Variants in NELL1 observed in about 807,000 individuals in gnomAD.
NELL1 encodes the protein protein kinase C-binding protein NELL1.
NELL1 carries 76 observed loss-of-function variants against 107.4 expected under a neutral mutation model. The ratio of observed to expected loss-of-function variants is 0.71; its 90% confidence interval spans 0.59 to 0.86. The LOEUF is 0.86. Ranked by LOEUF, NELL1 falls within the 40% of genes least tolerant of loss-of-function variation. The pLI is 0.00. For synonymous variants in NELL1, 353 were observed against 341.2 expected, an observed-to-expected ratio of 1.03 and a Z score of -0.38; for missense variants, 1,024 against 1,005.5, an observed-to-expected ratio of 1.02 and a Z score of -0.25.
intron 14 of NELL1, among the ~76,000 whole-genome samples, chr11:21,238,041 AG>A (rs1858254745): frequency 1.3e-5 from 2 of 152,048 alleles, no homozygotes; most frequent in South Asian, 4.1e-4. Flanking sequence ...GATCCCTTAC[AG>A]GTATCTCAAA....
intron 2 of NELL1, among the ~76,000 whole-genome samples, chr11:20,722,527 C>T (rs180737465): frequency 1.1e-4 from 16 of 152,292 alleles, no homozygotes; most frequent in South Asian, 2.1e-4. Context: ...AAAACATTTA[C>T]GCCAATGCTT....
chr11:21,279,961 C>T (rs976479328), intron 14 of NELL1, among the ~76,000 whole-genome samples: 1 of 152,170 alleles, frequency 6.6e-6, no homozygotes, highest in Non-Finnish European at 1.5e-5. Context: ...AGAAGCCGAT[C>T]TGCAAATGTC....
rs572041198 is a variant in NELL1 at position 21,322,219 on chromosome 11, A to G, written c.1550-48634A>G. Among the ~76,000 whole-genome samples the G allele has an allele frequency of 1.1e-4, 17 of 152,304 alleles. 1 individual carries two copies. The South Asian group carries it at 3.3e-3, about 30-fold the overall frequency. Reference sequence around the variant, plus strand: ...ATAGTGTAATGCAGAGCACTAGACTATGAGTTAAAAGACCCTGCTTCATGT... The same window carrying G: ...ATAGTGTAATGCAGAGCACTAGACTGTGAGTTAAAAGACCCTGCTTCATGT... On this transcript the variant is annotated intron_variant, in intron 14 of 19. Transcript: ENST00000357134.
intron 12 of NELL1, among the ~76,000 whole-genome samples, chr11:21,112,196 C>T (rs1855123224): frequency 6.6e-6 from 1 of 152,002 alleles, no homozygotes; most frequent in South Asian, 2.1e-4. Flanking sequence ...GTCTTGCTAA[C>T]TGTGGGTCTC....
intron 15 of NELL1, among the ~76,000 whole-genome samples, chr11:21,393,438 G>A (rs553476964): frequency 1.3e-5 from 2 of 151,748 alleles, no homozygotes; most frequent in South Asian, 2.1e-4. Context: ...TGCAAACAAC[G>A]CTGAATAGAA....
chr11:20,787,432 T>C (rs17298537), intron 3 of NELL1, among the ~76,000 whole-genome samples: 11,165 of 152,292 alleles, frequency 0.073, 465 homozygotes, highest in Middle Eastern at 0.16. Context: ...TTCATAATTT[T>C]CAGGTTACTT....
chr11:20,838,940 A>G (rs934625695), intron 3 of NELL1, among the ~76,000 whole-genome samples: 7 of 152,190 alleles, frequency 4.6e-5, no homozygotes, highest in Admixed American at 6.5e-5. Flanking sequence ...CAGTTGTGCA[A>G]TTCCAAGCTT....
At chr11:20,993,554 T>G (rs1852023620) in intron 12 of NELL1, among the ~76,000 whole-genome samples, 2 of 152,112 alleles carry the variant, frequency 1.3e-5, no homozygotes, top group African/African-American at 4.8e-5. Context: ...TGTGGGGGAT[T>G]GGTTTCAGGA....
intron 12 of NELL1, among the ~76,000 whole-genome samples, chr11:21,027,528 T>C (rs73460615): frequency 0.025 from 3,726 of 151,722 alleles, 166 homozygotes; most frequent in African/African-American, 0.085. Flanking sequence ...AATCTTCACA[T>C]TAGGCCATAG....
intron 14 of NELL1, among the ~76,000 whole-genome samples, chr11:21,263,481 C>A (rs1426685314): frequency 5.3e-5 from 8 of 152,022 alleles, no homozygotes; most frequent in African/African-American, 1.9e-4. Context: ...CATCTTTCAG[C>A]ATTCTGATTG....
intron 12 of NELL1, among the ~76,000 whole-genome samples, chr11:21,061,876 T>G (rs2134363834): frequency 6.6e-6 from 1 of 152,290 alleles, no homozygotes; most frequent in Non-Finnish European, 1.5e-5. Context: ...GTAAATCTCT[T>G]TAGGAATGGT....
chr11:20,938,940 C>CTCTCTCTCTCTCTG (rs1216133538), intron 10 of NELL1, among the ~76,000 whole-genome samples: 14 of 57,292 alleles, frequency 2.4e-4, no homozygotes, highest in African/African-American at 5.2e-4. Flanking sequence ...CTCTCTCTCT[C>CTCTCTCTCTCTCTG]TGTGTGTGTG....
chr11:21,275,927 A>C (rs2133940771), intron 14 of NELL1, among the ~76,000 whole-genome samples: 1 of 152,320 alleles, frequency 6.6e-6, no homozygotes, highest in East Asian at 1.9e-4. Flanking sequence ...ATCTATGACA[A>C]ATCCACAGCC....
intron 2 of NELL1, among the ~76,000 whole-genome samples, chr11:20,743,276 C>T (rs905506964): frequency 6.6e-6 from 1 of 151,862 alleles, no homozygotes; most frequent in African/African-American, 2.4e-5. Flanking sequence ...ATCCTTGAAC[C>T]CGGGGGGTGG....
chr11:21,481,434 T>A (rs1854489111), intron 15 of NELL1, among the ~76,000 whole-genome samples: 1 of 152,256 alleles, frequency 6.6e-6, no homozygotes, highest in South Asian at 2.1e-4. Flanking sequence ...CATGACTTAA[T>A]AATGGTCTTC....
intron 3 of NELL1, among the ~76,000 whole-genome samples, chr11:20,790,829 A>C (rs1590297512): frequency 6.6e-6 from 1 of 152,188 alleles, no homozygotes; most frequent in African/African-American, 2.4e-5. Context: ...CAAGGCTCCC[A>C]GTGGCTCCAC....
chr11:21,198,519 G>C (rs1857201265), intron 13 of NELL1, among the ~76,000 whole-genome samples: 1 of 152,154 alleles, frequency 6.6e-6, no homozygotes, highest in African/African-American at 2.4e-5. Flanking sequence ...TGAACATCAC[G>C]AGCTCAATCA....
At chr11:21,135,396 C>A (rs1855723316) in intron 13 of NELL1, among the ~76,000 whole-genome samples, 2 of 152,182 alleles carry the variant, frequency 1.3e-5, no homozygotes, top group South Asian at 2.1e-4. Context: ...GTACAGATAC[C>A]CAGAAAACTG....
At chr11:20,875,195 A>G (rs1564945236) in intron 4 of NELL1, among the ~76,000 whole-genome samples, 1 of 152,058 alleles carries the variant, frequency 6.6e-6, no homozygotes, top group Non-Finnish European at 1.5e-5. Flanking sequence ...AATTTTTTTA[A>G]TATGTATTTC....
Sources: allele counts gnomAD v4.1 joint callset (sites outside exome capture counted in the v4.1 genomes callset), GRCh38; gene constraint gnomAD v4.1.1; transcripts MANE v1.5; gene names NCBI Gene and HGNC (gene_info 2026-07-23, HGNC 2026-07-21).